Variants in ZNF804A observed in about 807,000 individuals in gnomAD.
ZNF804A encodes the protein zinc finger protein 804A.
ZNF804A carries 2 observed loss-of-function variants against 16.5 expected under a neutral mutation model. That is an observed-to-expected ratio of 0.12 (90% CI 0.05 to 0.38). The LOEUF (loss-of-function observed/expected upper bound fraction) is 0.38. Ranked by LOEUF, ZNF804A falls within the 10% of genes least tolerant of loss-of-function variation. The probability of loss-of-function intolerance (pLI) is 0.99; values close to 1 mark genes in which losing one functional copy is unlikely to be tolerated. For synonymous variants in ZNF804A, 534 were observed against 489.6 expected, an observed-to-expected ratio of 1.09 and a Z score of -1.20; for missense variants, 1,473 against 1,390.7, an observed-to-expected ratio of 1.06 and a Z score of -0.94.
At chr2:184,650,856 A>G (rs1006084904) in intron 1 of ZNF804A, among the ~76,000 whole-genome samples, 3 of 152,108 alleles carry the variant, frequency 2.0e-5, no homozygotes, top group African/African-American at 7.2e-5. Flanking sequence ...CAGTATTGTT[A>G]AAAACACTGC....
At chr2:184,605,556 T>C (rs1574128031) in intron 1 of ZNF804A, among the ~76,000 whole-genome samples, 2 of 151,956 alleles carry the variant, frequency 1.3e-5, no homozygotes, top group East Asian at 1.9e-4. Flanking sequence ...TTGTACAAAC[T>C]TTTTTTTCTT....
At chr2:184,903,229 T>G (rs1347718258) in intron 2 of ZNF804A, among the ~76,000 whole-genome samples, 2 of 152,134 alleles carry the variant, frequency 1.3e-5, no homozygotes, top group African/African-American at 4.8e-5. Context: ...AGTAGAAATC[T>G]CCACATATAG....
chr2:184,924,259 G>T (rs1199116336), intron 2 of ZNF804A, among the ~76,000 whole-genome samples: 4 of 151,714 alleles, frequency 2.6e-5, no homozygotes, highest in Admixed American at 1.3e-4. Context: ...CTTGTTACTG[G>T]TCTGTTTGAG....
chr2:184,694,130 GT>G (rs1310386529), intron 1 of ZNF804A, among the ~76,000 whole-genome samples: 3 of 148,802 alleles, frequency 2.0e-5, no homozygotes, highest in Non-Finnish European at 4.5e-5. Context: ...TGTATTTTTA[GT>G]AGCGATGGGG....
intron 1 of ZNF804A, among the ~76,000 whole-genome samples, chr2:184,743,974 A>G (rs1693747210): frequency 6.6e-6 from 1 of 151,896 alleles, no homozygotes; most frequent in African/African-American, 2.4e-5. Flanking sequence ...CATTATATTG[A>G]CATCTATGTA....
chr2:184,789,513 A>G (rs1694499765), intron 1 of ZNF804A, among the ~76,000 whole-genome samples: 1 of 151,752 alleles, frequency 6.6e-6, no homozygotes, highest in South Asian at 2.1e-4. Context: ...CAATTTCATT[A>G]CTTGCTATTG....
Position 184,769,326 on chromosome 2 carries a change from C to A in ZNF804A, c.112-97043C>A, listed in dbSNP as rs1490608325. On this transcript the variant is annotated intron_variant, in intron 1 of 3. Transcript: ENST00000302277. Reference sequence around the variant, plus strand: ...TACATCCTGTATTATATCATCTGAGCTTTATTTCATGCCATTATTCTGAGG... The same window carrying A: ...TACATCCTGTATTATATCATCTGAGATTTATTTCATGCCATTATTCTGAGG... Among the ~76,000 whole-genome samples, 6 of 152,114 alleles carry A rather than the reference C, an allele frequency of 3.9e-5. No homozygotes were observed. The East Asian group carries it at 9.7e-4, about 25-fold the overall frequency.
chr2:184,928,065 C>T (rs1206550941), intron 2 of ZNF804A, among the ~76,000 whole-genome samples: 2 of 152,018 alleles, frequency 1.3e-5, no homozygotes, highest in Admixed American at 6.6e-5. Flanking sequence ...CCCATATCCA[C>T]CACAACTGGG....
chr2:184,914,766 ATAT>A (rs1318761152), intron 2 of ZNF804A, among the ~76,000 whole-genome samples: 1 of 152,024 alleles, frequency 6.6e-6, no homozygotes, highest in Non-Finnish European at 1.5e-5. Context: ...ATATAGCATA[ATAT>A]TATATTTCTC....
At chr2:184,749,938 C>T (rs1362260728) in intron 1 of ZNF804A, among the ~76,000 whole-genome samples, 2 of 151,148 alleles carry the variant, frequency 1.3e-5, no homozygotes, top group Non-Finnish European at 3.0e-5. Context: ...ATTCTTACTG[C>T]TGTCAGAACA....
chr2:184,790,848 C>T (rs918767946), intron 1 of ZNF804A, among the ~76,000 whole-genome samples: 2 of 152,098 alleles, frequency 1.3e-5, no homozygotes, highest in African/African-American at 4.8e-5. Context: ...TGTGATCCAC[C>T]CACCTCGGCC....
intron 1 of ZNF804A, among the ~76,000 whole-genome samples, chr2:184,859,330 A>G (rs1187806637): frequency 6.6e-6 from 1 of 151,454 alleles, no homozygotes; most frequent in Non-Finnish European, 1.5e-5. Context: ...ATATTTTTAA[A>G]TATTCTTTTT....
chr2:184,654,817 C>T (rs1049316976), intron 1 of ZNF804A, among the ~76,000 whole-genome samples: 2 of 152,170 alleles, frequency 1.3e-5, no homozygotes, highest in Non-Finnish European at 2.9e-5. Flanking sequence ...TGCTTTAGAA[C>T]CAGGAACCCC....
At chr2:184,903,919 A>C (rs1685229115) in intron 2 of ZNF804A, among the ~76,000 whole-genome samples, 1 of 152,108 alleles carries the variant, frequency 6.6e-6, no homozygotes. Flanking sequence ...TATGACAGAA[A>C]TAATTAAAAT....
At chr2:184,764,613 T>C (rs1177086655) in intron 1 of ZNF804A, among the ~76,000 whole-genome samples, 1 of 152,164 alleles carries the variant, frequency 6.6e-6, no homozygotes, top group Admixed American at 6.6e-5. Flanking sequence ...CCTTCCCTTC[T>C]TTTAAAAAAG....
intron 1 of ZNF804A, among the ~76,000 whole-genome samples, chr2:184,852,595 A>C (rs960917817): frequency 2.0e-5 from 3 of 149,170 alleles, no homozygotes; most frequent in African/African-American, 7.4e-5. Context: ...GCTTATGCTT[A>C]AGTCTTTTAT....
chr2:184,712,423 A>G (rs1055288114), intron 1 of ZNF804A, among the ~76,000 whole-genome samples: 3 of 151,700 alleles, frequency 2.0e-5, no homozygotes, highest in Non-Finnish European at 3.0e-5. Flanking sequence ...TCTCCCATAC[A>G]TGATGAGTTT....
At chr2:184,917,132 A>T (rs1312804209) in intron 2 of ZNF804A, among the ~76,000 whole-genome samples, 1 of 152,186 alleles carries the variant, frequency 6.6e-6, no homozygotes, top group Non-Finnish European at 1.5e-5. Flanking sequence ...TGGACTAGTC[A>T]AGTTGACACA....
chr2:184,791,632 C>G (rs1268005090), intron 1 of ZNF804A, among the ~76,000 whole-genome samples: 1 of 152,124 alleles, frequency 6.6e-6, no homozygotes, highest in Non-Finnish European at 1.5e-5. Context: ...CACACACACT[C>G]TATCAATGTT....
Sources: allele counts gnomAD v4.1 joint callset (sites outside exome capture counted in the v4.1 genomes callset), GRCh38; gene constraint gnomAD v4.1.1; transcripts MANE v1.5; gene names NCBI Gene and HGNC (gene_info 2026-07-23, HGNC 2026-07-21).